Variants in BMP1 observed in about 807,000 individuals in gnomAD.
BMP1 encodes the protein mammalian tolloid protein.
In BMP1, 63 loss-of-function variants were observed where a neutral mutation model predicts 116.8. That is an observed-to-expected ratio of 0.54 (90% CI 0.44 to 0.67). The LOEUF is 0.67. BMP1 is among the 30% of genes least tolerant of loss of function. BMP1 has a pLI of 0.00. For synonymous variants in BMP1, 536 were observed against 533.4 expected, an observed-to-expected ratio of 1.00 and a Z score of -0.07; for missense variants, 1,183 against 1,358.9, an observed-to-expected ratio of 0.87 and a Z score of 2.04.
At chr8:22,186,653 G>A (rs747714540) in intron 8 of BMP1, among the ~76,000 whole-genome samples, 4 of 151,920 alleles carry the variant, frequency 2.6e-5, no homozygotes, top group African/African-American at 9.7e-5. Context: ...TTTTAGTAGA[G>A]ACAGGGTTTC....
chr8:22,168,657 A>G (rs1001248991), intron 1 of BMP1, among the ~76,000 whole-genome samples: 1 of 152,190 alleles, frequency 6.6e-6, no homozygotes, highest in Non-Finnish European at 1.5e-5. Context: ...AGAGAGCCAT[A>G]GAGGATTAGG....
chr8:22,211,729 C>A lies in BMP1; in HGVS notation c.*1C>A. 1 of 1,614,114 alleles carries A rather than the reference C, an allele frequency of 6.2e-7. No individual in the cohort carries two copies. The highest frequency in any genetic ancestry group is 1.1e-5 in the South Asian group (1 of 91,080). ...GGACACACTCCACAGCAGGAAGTGA[C>A]CACTGCCTGAGCAGGGGCGGGGACT... On this transcript the variant is annotated 3_prime_UTR_variant, in exon 20 of 20. Transcript: ENST00000306385.
At chr8:22,187,251 AAAGTGTTGGGATTAT>A (rs1828798913) in intron 8 of BMP1, among the ~76,000 whole-genome samples, 1 of 152,018 alleles carries the variant, frequency 6.6e-6, no homozygotes, top group Non-Finnish European at 1.5e-5. Flanking sequence ...TGGGCCTCCC[AAAGTGTTGGGATTAT>A]AGGCGTGAGC....
intron 8 of BMP1, among the ~76,000 whole-genome samples, chr8:22,183,939 C>G (rs114236100): frequency 0.012 from 1,869 of 152,248 alleles, 29 homozygotes; most frequent in African/African-American, 0.043. Flanking sequence ...GGGCCAGATG[C>G]TAACATTATC....
chr8:22,197,123 A>AG, intron 14 of BMP1, 117 bp from the exon 15 acceptor site: 1 of 1,335,076 alleles, frequency 7.5e-7, no homozygotes, highest in South Asian at 1.4e-5. Flanking sequence ...GGATCCAGTG[A>AG]GGGGGCGTAG....
chr8:22,194,258 G>A lies in BMP1; in HGVS notation c.1297+84G>A. The A allele has an allele frequency of 1.3e-6, 2 of 1,485,910 alleles. No homozygotes were observed. The highest frequency in any genetic ancestry group is 9.4e-7 in the Non-Finnish European group (1 of 1,066,828). 92.0% of individuals were successfully genotyped at this position (1,485,910 alleles called of 1,614,324 possible). A position where few individuals can be genotyped will look rare whatever the true frequency, so the allele number is the denominator to read the frequency against. ...ACAACTCCCTCCTGGCACCTGAGGGGCAAGATTGTGGGTTCCCAAGGGAAG... is the reference window on the plus strand; with the variant it reads ...ACAACTCCCTCCTGGCACCTGAGGGACAAGATTGTGGGTTCCCAAGGGAAG... On this transcript the variant is annotated intron_variant, in intron 10 of 19. Coordinates refer to ENST00000306385, the MANE Select transcript of BMP1 (RefSeq NM_006129.5). The surrounding 1 kb of genome is among the most constrained non-coding windows in gnomAD (Gnocchi z 4.5).
intron 2 of BMP1, among the ~76,000 whole-genome samples, chr8:22,174,799 A>G (rs1828385091): frequency 6.6e-6 from 1 of 151,580 alleles, no homozygotes; most frequent in South Asian, 2.1e-4. Context: ...CGCCTGGCCA[A>G]TTTTTTATAT....
chr8:22,196,370 C>A (rs889782592), intron 13 of BMP1: 1 of 590,340 alleles, frequency 1.7e-6, no homozygotes, highest in South Asian at 1.6e-5. Context: ...CCCTGAACTG[C>A]TTTCCCTGAG....
At chr8:22,165,607 T>C in intron 1 of BMP1, 54 bp downstream of exon 1, 1 of 1,515,670 alleles carries the variant, frequency 6.6e-7, no homozygotes, top group Non-Finnish European at 8.8e-7. Context: ...CGCGGGCGGG[T>C]TCGGGCTTGG....
chr8:22,176,315 T>G lies in BMP1; in HGVS notation c.433+2T>G. 1 of 1,590,978 alleles carries G rather than the reference T, an allele frequency of 6.3e-7. No individual in the cohort carries two copies. ...TTGTCATTGGGGGAAACTTCACTGG[T>G]GAGCGTGCTATTGTGGGTCCCAGAG... is the stretch of plus-strand genomic sequence containing the variant. On this transcript the variant is annotated splice_donor_variant, in intron 3 of 19. Coordinates refer to ENST00000306385, the MANE Select transcript of BMP1 (RefSeq NM_006129.5). LOFTEE classifies it high-confidence loss of function.
intron 13 of BMP1, 166 bp from the exon 14 acceptor site, chr8:22,196,514 C>A: frequency 1.0e-6 from 1 of 992,362 alleles, no homozygotes; most frequent in Non-Finnish European, 1.5e-6. Context: ...ACACCCAGGC[C>A]ACCCTGCCTC....
Position 22,209,534 on chromosome 8 carries a change from G to C in BMP1, c.2665G>C (p.Asp889His). 1 of 1,614,240 alleles carries C rather than the reference G, an allele frequency of 6.2e-7. No individual in the cohort carries two copies. The highest frequency in any genetic ancestry group is 8.5e-7 in the Non-Finnish European group (1 of 1,180,042). The change falls in exon 19 of 20, where the codon GAC becomes CAC. Residue 889 changes from aspartate to histidine, a missense_variant. Around this residue, in one of 4 missense-constraint regions of BMP1, gnomAD observed 956 missense variants for 1,135.2 expected, o/e 0.84. Transcript: ENST00000306385. ...CGACAACAACTACCCTGGGGGTGTG[G>C]ACTGTGAGTGGGTCATTGTGGCCGA... is the stretch of plus-strand genomic sequence containing the variant. ...FGDNNYPGGV[D>H]CEWVIVAEEG...
chr8:22,189,693 C>T (rs577863320), intron 8 of BMP1, among the ~76,000 whole-genome samples: 115 of 151,958 alleles, frequency 7.6e-4, no homozygotes, highest in African/African-American at 2.8e-3. Context: ...TCTCAAACTC[C>T]TGGACTCAAG....
chr8:22,208,940 A>G (rs1185070142), intron 18 of BMP1, among the ~76,000 whole-genome samples: 1 of 152,196 alleles, frequency 6.6e-6, no homozygotes, highest in Non-Finnish European at 1.5e-5. Flanking sequence ...TGCCCTTCCC[A>G]GCACAGGGTC....
At chr8:22,173,209 G>A (rs1313433882) in intron 1 of BMP1, among the ~76,000 whole-genome samples, 9 of 152,180 alleles carry the variant, frequency 5.9e-5, no homozygotes, top group Non-Finnish European at 1.3e-4. Flanking sequence ...AGCCACTGGA[G>A]AGGCTGAGGA....
At chr8:22,206,217 A>G (rs1403540293) in intron 16 of BMP1, among the ~76,000 whole-genome samples, 1 of 151,592 alleles carries the variant, frequency 6.6e-6, no homozygotes, top group African/African-American at 2.4e-5. Context: ...AAATACAAAA[A>G]TTAGCCAGGC....
At chr8:22,165,855 A>T (rs1448644063) in intron 1 of BMP1, among the ~76,000 whole-genome samples, 1 of 144,892 alleles carries the variant, frequency 6.9e-6, no homozygotes, top group Non-Finnish European at 1.5e-5. Flanking sequence ...TCTGTAGGAA[A>T]CTTTTCTGGC....
chr8:22,207,233 G>A, intron 17 of BMP1, 70 bp from the exon 18 acceptor site: 2 of 1,520,862 alleles, frequency 1.3e-6, no homozygotes, highest in African/African-American at 1.4e-5. Context: ...CCTAGGTTTG[G>A]GGCCCTCATC....
intron 8 of BMP1, among the ~76,000 whole-genome samples, chr8:22,181,987 G>A (rs960028856): frequency 1.3e-5 from 2 of 152,084 alleles, no homozygotes; most frequent in African/African-American, 4.8e-5. Context: ...ATGTGGGGAG[G>A]CTACTCCCAT....
Sources: gnomAD v4.1 joint callset for allele counts (sites outside exome capture counted in the v4.1 genomes callset) on GRCh38, gnomAD v4.1.1 for gene constraint, gnomAD v4.1.1 regional missense constraint, Gnocchi (gnomAD v3.1) non-coding constraint, MANE v1.5 for transcripts, NCBI Gene and HGNC (gene_info 2026-07-23, HGNC 2026-07-21) for gene names.